LRPAP1: variants seen among roughly 807,000 people sequenced by gnomAD.
The protein encoded by LRPAP1 is LDL receptor related protein associated protein 1.
A neutral mutation model predicts 39.9 loss-of-function variants in LRPAP1; 41 were observed. That is an observed-to-expected ratio of 1.03 (90% CI 0.80 to 1.33). LRPAP1 has a LOEUF of 1.33. LRPAP1 is among the 40% of genes most tolerant of loss of function. The pLI is 0.00. For missense variants in LRPAP1, 565 were observed against 482.3 expected, an observed-to-expected ratio of 1.17 and a Z score of -1.61; for synonymous variants, 263 against 212.7, an observed-to-expected ratio of 1.24 and a Z score of -2.06.
At chr4:3,515,948 G>A (rs1033069706) in intron 6 of LRPAP1, 168 bp downstream of exon 6, 4 of 662,082 alleles carry the variant, frequency 6.0e-6, no homozygotes, top group Non-Finnish European at 1.0e-5. Flanking sequence ...GAGTTCCCAC[G>A]CAGATGAGAA....
At chr4:3,514,660 C>G in intron 7 of LRPAP1, 92 bp downstream of exon 7, 1 of 1,457,760 alleles carries the variant, frequency 6.9e-7, no homozygotes, top group Non-Finnish European at 9.2e-7. Flanking sequence ...GGGCCCACAC[C>G]CCATCTACAG....
intron 6 of LRPAP1, chr4:3,515,773 A>C: frequency 2.9e-6 from 1 of 341,770 alleles, no homozygotes; most frequent in Non-Finnish European, 5.5e-6. Context: ...TGACACCCCT[A>C]AACGATCCCG....
At position 3,516,167 on chromosome 4, in the gene LRPAP1, C is replaced by T; in HGVS notation, c.783G>A (p.Trp261Ter). The T allele has an allele frequency of 3.2e-6, 5 of 1,582,212 alleles. No homozygotes were observed. The highest frequency in any genetic ancestry group is 4.3e-6 in the Non-Finnish European group (5 of 1,164,626). Residue 261 changes from tryptophan (W) to a stop codon, truncating the protein, a stop_gained, in exon 6 of 8, where the codon TGG (tryptophan) becomes TGA (stop). Transcript: ENST00000650182. LOFTEE classifies it high-confidence loss of function. ...TGAGGTTGGCGGACTGCGCCAGGTCCCACAGGTCAATCACCCTGGGCTCCT... is the reference window on the plus strand; with the variant it reads ...TGAGGTTGGCGGACTGCGCCAGGTCTCACAGGTCAATCACCCTGGGCTCCT... ...EFEEPRVIDL[W>*]DLAQSANLTD...
chr4:3,532,408 G>A lies in LRPAP1; in HGVS notation c.5C>T (p.Ala2Val), dbSNP rs375417190. ...CAGAAACGACCTGACCCTCCGCGGC[G>A]CCATCTTCCTCTGCGACTGGCGCTG... The part of the protein sequence containing the change: M[A>V]PRRVRSFLRG... The change falls in exon 1 of 8, where the codon GCG (alanine) becomes GTG (valine). Residue 2 changes from alanine (A) to valine (V), a missense_variant. Transcript: ENST00000650182. 35 of 1,568,086 alleles carry A rather than the reference G, an allele frequency of 2.2e-5. No homozygotes were observed. The African/African-American group carries it at 3.0e-4, about 13-fold the overall frequency.
intron 4 of LRPAP1, 54 bp downstream of exon 4, chr4:3,518,817 G>C (rs1475108622): frequency 1.1e-4 from 129 of 1,210,444 alleles, no homozygotes; most frequent in Non-Finnish European, 1.4e-4. Context: ...CAGGAGGGGT[G>C]GGGGGCAGGA....
intron 2 of LRPAP1, 68 bp from the exon 3 acceptor site, chr4:3,520,261 G>A: frequency 5.8e-6 from 9 of 1,552,752 alleles, no homozygotes; most frequent in African/African-American, 4.1e-5. Context: ...CAACACATCT[G>A]GGTTGCCACG....
chr4:3,520,839 G>C (rs1729888218), intron 2 of LRPAP1, among the ~76,000 whole-genome samples: 1 of 152,350 alleles, frequency 6.6e-6, no homozygotes, highest in East Asian at 1.9e-4. Flanking sequence ...GAGCCCTCTA[G>C]GATCTGCCCA....
chr4:3,531,660 C>T (rs144161203), intron 1 of LRPAP1, among the ~76,000 whole-genome samples: 382 of 152,310 alleles, frequency 2.5e-3, no homozygotes, highest in Non-Finnish European at 4.2e-3. Context: ...GTCAGGTGAG[C>T]GCCCTGTTAA....
At chr4:3,523,622 G>C (rs541838032) in intron 2 of LRPAP1, among the ~76,000 whole-genome samples, 1 of 152,186 alleles carries the variant, frequency 6.6e-6, no homozygotes, top group African/African-American at 2.4e-5. Flanking sequence ...CACCCTCTCT[G>C]AGCCTGTCAA....
rs1026929352 is a variant in LRPAP1, at chr4:3,528,763, C to T, written c.204+3446G>A. Among the ~76,000 whole-genome samples the T allele has an allele frequency of 3.3e-5, 5 of 152,308 alleles. No individual in the cohort carries two copies. The South Asian group carries it at 1.0e-3, about 32-fold the overall frequency. The stretch of plus-strand genomic sequence containing the variant: ...CCAGCCACTGTGCCCCAGCTCCTTC[C>T]ACCTGAGCTCCGTGGACAAGGGCAC... On this transcript the variant is annotated intron_variant, in intron 1 of 7. Transcript: ENST00000650182.
At chr4:3,519,340 AG>A (rs1729837961) in intron 3 of LRPAP1, among the ~76,000 whole-genome samples, 2 of 152,046 alleles carry the variant, frequency 1.3e-5, no homozygotes, top group African/African-American at 4.8e-5. Flanking sequence ...CCACCTTCCT[AG>A]GGGGACCTCT....
At chr4:3,531,339 C>T (rs1794429) in intron 1 of LRPAP1, among the ~76,000 whole-genome samples, 103,957 of 152,036 alleles carry the variant, frequency 0.68, 36,243 homozygotes, top group East Asian at 0.92. Flanking sequence ...CTGCAAATCA[C>T]TTACTTTCCC....
chr4:3,518,332 G>A, intron 4 of LRPAP1, 140 bp from the exon 5 acceptor site: 1 of 908,348 alleles, frequency 1.1e-6, no homozygotes, highest in Non-Finnish European at 1.6e-6. Context: ...CCGCGGTCCT[G>A]CAGCGCCGCA....
intron 5 of LRPAP1, among the ~76,000 whole-genome samples, chr4:3,516,700 C>T (rs950284895): frequency 1.3e-5 from 2 of 152,252 alleles, no homozygotes; most frequent in Admixed American, 6.5e-5. Context: ...GCCAAACAAA[C>T]CAAGACGGCT....
In LRPAP1 at chr4:3,519,941, G is replaced by A. The variant is rs1577207261; in HGVS notation, c.471+131C>T. 9 of 1,063,370 alleles carry A rather than the reference G, an allele frequency of 8.5e-6. No homozygotes were observed. In the East Asian group the frequency reaches 2.0e-4, roughly 23 times the overall value. 65.9% of individuals were successfully genotyped at this position (1,063,370 alleles called of 1,614,324 possible). ...GACAGTGGAATGGCTTCCTTAGGAA[G>A]CCACCGTCTTCCTGAGACTTTCCCA... On this transcript the variant is annotated intron_variant, in intron 3 of 7. Transcript: ENST00000650182.
chr4:3,517,739 G>C (rs960587543), intron 5 of LRPAP1: 1 of 323,066 alleles, frequency 3.1e-6, no homozygotes, highest in Non-Finnish European at 5.7e-6. Context: ...CAGCACGGGA[G>C]GGGCCGTGCT....
Position 3,532,205 on chromosome 4 carries a change from T to A in LRPAP1, c.204+4A>T. 1 of 1,548,678 alleles carries A rather than the reference T, an allele frequency of 6.5e-7. No individual in the cohort carries two copies. Among genetic ancestry groups the A allele is most frequent in the Non-Finnish European group, 8.7e-7 (1 of 1,145,964 alleles). ...CCGCTCCACCGACCGCGGGCCGCGC[T>A]CACTCGCTGGGCCTTCTCCCACAGC... On this transcript the variant is annotated splice_donor_region_variant and intron_variant, in intron 1 of 7. Coordinates refer to ENST00000650182, the MANE Select transcript of LRPAP1 (RefSeq NM_002337.4).
At chr4:3,519,135 A>G in intron 3 of LRPAP1, 144 bp from the exon 4 acceptor site, 1 of 1,368,806 alleles carries the variant, frequency 7.3e-7, no homozygotes, top group South Asian at 1.5e-5. Flanking sequence ...AAGGGCAGGA[A>G]AACAAAAAAC....
At position 3,524,935 on chromosome 4, in the gene LRPAP1, CT is replaced by C. The variant is rs1447559868; in HGVS notation, c.320del (p.Lys107ArgfsTer27). ...TGAGGTTGCGTATGAGTCTCGCTTC[CT>C]TCTCCCCATCTTCGTCCAAGCCGTC... ...KLDGLDEDGEKEARLIRNLNV... is the reference protein window; with the variant it reads ...KLDGLDEDGEXEARLIRNLNV... On this transcript the variant is annotated frameshift_variant, in exon 2 of 8. Coordinates refer to ENST00000650182, the MANE Select transcript of LRPAP1 (RefSeq NM_002337.4). LOFTEE classifies it high-confidence loss of function. 4 of 1,614,100 alleles carry C rather than the reference CT, an allele frequency of 2.5e-6. No homozygotes were observed. In the African/African-American group the frequency reaches 5.3e-5, roughly 22 times the overall value.
Sources: allele counts gnomAD v4.1 joint callset (sites outside exome capture counted in the v4.1 genomes callset), GRCh38; gene constraint gnomAD v4.1.1; transcripts MANE v1.5; gene names NCBI Gene and HGNC (gene_info 2026-07-23, HGNC 2026-07-21).